Variants in CAMKK2 observed in about 807,000 individuals in gnomAD.
CAMKK2 encodes the protein calcium/calmodulin dependent protein kinase kinase 2.
A neutral mutation model predicts 67.2 loss-of-function variants in CAMKK2; 30 were observed. The observed-to-expected ratio is 0.45, with a 90% CI of 0.33 to 0.61. The LOEUF (loss-of-function observed/expected upper bound fraction) is 0.61. Ranked by LOEUF, CAMKK2 falls within the 20% of genes least tolerant of loss-of-function variation. The pLI is 0.02. For missense variants in CAMKK2, 643 were observed against 802.0 expected (o/e 0.80, Z 2.39); for synonymous variants, 322 against 326.2 (o/e 0.99, Z 0.14).
At chr12:121,288,090 G>A (rs921481890) in intron 1 of CAMKK2, among the ~76,000 whole-genome samples, 2 of 152,204 alleles carry the variant, frequency 1.3e-5, no homozygotes, top group African/African-American at 4.8e-5. Context: ...TGTGTTTAGA[G>A]GAGGGAGGTA....
In CAMKK2 at chr12:121,285,456, T is replaced by C. The variant is rs1217504002; in HGVS notation, c.-59-10871A>G. Among the ~76,000 whole-genome samples the C allele has an allele frequency of 6.6e-6, 1 of 151,968 alleles. No homozygotes were observed. Among genetic ancestry groups the C allele is most frequent in the African/African-American group, 2.4e-5 (1 of 41,342 alleles). ...AGGGGGAGGTTGCAGTGAGCCAAGA[T>C]TGCACCACTGCACTCCAGCCTGGGC... On this transcript the variant is annotated intron_variant, in intron 1 of 16. Coordinates refer to ENST00000404169, the MANE Select transcript of CAMKK2 (RefSeq NM_001270485.2). This position sits in a 1 kb window ranked among gnomAD's most constrained non-coding sequence, Gnocchi z 4.1.
rs1373036527 is a variant in CAMKK2, at chr12:121,296,206, G to A, written c.-60+432C>T. ...TTGCCCCGAGACAGGCAGGCTGCGG[G>A]GTGGGGGTGCTCCAAGTCCGCTGGT... On this transcript the variant is annotated intron_variant, in intron 1 of 16. Transcript: ENST00000404169. This position sits in a 1 kb window ranked among gnomAD's most constrained non-coding sequence, Gnocchi z 7.1. 2.0e-5 allele frequency among the ~76,000 whole-genome samples: 3 copies of A among 152,088 alleles called. No individual in the cohort carries two copies. The highest frequency in any genetic ancestry group is 4.4e-5 in the Non-Finnish European group (3 of 67,994).
chr12:121,249,925 G>A (rs747632334), intron 12 of CAMKK2, 36 bp downstream of exon 12: 37 of 1,612,708 alleles, frequency 2.3e-5, no homozygotes, highest in East Asian at 6.7e-5. Context: ...CCAAGAACTC[G>A]GACAGGAGAG....
At chr12:121,275,114 T>C (rs527916818) in intron 1 of CAMKK2, among the ~76,000 whole-genome samples, 1 of 152,302 alleles carries the variant, frequency 6.6e-6, no homozygotes, top group East Asian at 1.9e-4. Context: ...GGTCTTCCCT[T>C]TGTTTTTCCC....
intron 1 of CAMKK2, among the ~76,000 whole-genome samples, chr12:121,275,486 T>A (rs1896622152): frequency 1.1e-5 from 1 of 90,946 alleles, no homozygotes; most frequent in Non-Finnish European, 1.8e-5. Flanking sequence ...ACCAAGACTG[T>A]CTCAAAAAAA....
At chr12:121,248,511 A>C (rs1593285736) in intron 14 of CAMKK2, 95 bp downstream of exon 14, 2 of 1,471,240 alleles carry the variant, frequency 1.4e-6, no homozygotes, top group Non-Finnish European at 1.9e-6. Context: ...CGGACATCTG[A>C]CTCCCGGGCA....
intron 16 of CAMKK2, among the ~76,000 whole-genome samples, chr12:121,241,258 G>A (rs1002168030): frequency 2.6e-5 from 4 of 152,184 alleles, no homozygotes; most frequent in African/African-American, 9.7e-5. Flanking sequence ...AGCCCTTACA[G>A]GGAAGGGACT....
chr12:121,247,054 A>G (rs1445080372), intron 14 of CAMKK2, among the ~76,000 whole-genome samples: 1 of 151,860 alleles, frequency 6.6e-6, no homozygotes, highest in Non-Finnish European at 1.5e-5. Flanking sequence ...TGGAGTAAAC[A>G]TGTAAAACCT....
intron 6 of CAMKK2, among the ~76,000 whole-genome samples, chr12:121,261,284 C>T (rs887358205): frequency 1.3e-5 from 2 of 152,122 alleles, no homozygotes; most frequent in Non-Finnish European, 2.9e-5. Context: ...CATAGGGCAG[C>T]GGAGAGAAAA....
chr12:121,276,187 G>A (rs949901992), intron 1 of CAMKK2, among the ~76,000 whole-genome samples: 2 of 146,592 alleles, frequency 1.4e-5, no homozygotes, highest in African/African-American at 5.1e-5. Flanking sequence ...GAGAGAAGTC[G>A]GACACAGTGG....
Position 121,274,205 on chromosome 12 carries a change from C to T in CAMKK2, c.322G>A (p.Gly108Arg), listed in dbSNP as rs773659763. The T allele has an allele frequency of 1.2e-6, 2 of 1,602,518 alleles. No homozygotes were observed. Among genetic ancestry groups the T allele is most frequent in the Admixed American group, 1.7e-5 (1 of 59,154 alleles). Residue 108 changes from glycine (G) to arginine (R), a missense_variant, in exon 2 of 17, where the codon GGG (glycine) becomes AGG (arginine). Gly to Arg is a moderately radical substitution (Grantham distance 125). Transcript: ENST00000404169. The part of the protein sequence containing the change: ...KLSLQERSQG[G>R]LAAGGSLDMN... Reference sequence around the variant, plus strand: ...TCCAGGCTGCCACCGGCTGCCAGCCCACCCTGGGACCGCTCTTGCAGAGAC... The same window carrying T: ...TCCAGGCTGCCACCGGCTGCCAGCCTACCCTGGGACCGCTCTTGCAGAGAC...
At chr12:121,271,946 G>A (rs999288194) in intron 2 of CAMKK2, among the ~76,000 whole-genome samples, 2 of 152,144 alleles carry the variant, frequency 1.3e-5, no homozygotes, top group Non-Finnish European at 2.9e-5. Flanking sequence ...CTGACCTCAG[G>A]TTATCCTCCC....
At chr12:121,254,784 T>G (rs779921886) in intron 9 of CAMKK2, among the ~76,000 whole-genome samples, 2 of 152,228 alleles carry the variant, frequency 1.3e-5, no homozygotes, top group Non-Finnish European at 2.9e-5. Flanking sequence ...GGTGGCTCTC[T>G]GCAGCTGGCC....
In CAMKK2 at chr12:121,245,114, A is replaced by C. The variant is rs1414331242; in HGVS notation, c.1553+26T>G. 1 of 1,513,002 alleles carries C rather than the reference A, an allele frequency of 6.6e-7. No homozygotes were observed. The highest frequency in any genetic ancestry group is 9.0e-7 in the Non-Finnish European group (1 of 1,105,238). The allele number at this position is 1,513,002 out of a possible 1,614,324, so 93.7% of individuals were successfully genotyped here. ...CCTAGCCTCCAGCCACCACTCCCCCACCCAAGAAGGCAGGCGGCCACTCAC... is the reference window on the plus strand; with the variant it reads ...CCTAGCCTCCAGCCACCACTCCCCCCCCCAAGAAGGCAGGCGGCCACTCAC... On this transcript the variant is annotated intron_variant, in intron 15 of 16. Coordinates refer to ENST00000404169, the MANE Select transcript of CAMKK2 (RefSeq NM_001270485.2). The surrounding 1 kb of genome is among the most constrained non-coding windows in gnomAD (Gnocchi z 5.8).
rs1478115692 is a variant in CAMKK2 at position 121,255,238 on chromosome 12, A to T, written c.907+312T>A. ...TATAATTTTATATATATATAATTTTATATATATATAATTATATATATAATT... is the reference window on the plus strand; with the variant it reads ...TATAATTTTATATATATATAATTTTTTATATATATAATTATATATATAATT... On this transcript the variant is annotated intron_variant, in intron 9 of 16. Coordinates refer to ENST00000404169, the MANE Select transcript of CAMKK2 (RefSeq NM_001270485.2). Among the ~76,000 whole-genome samples the T allele has an allele frequency of 2.6e-3, 26 of 9,866 alleles. 2 individuals are homozygous for T. The highest frequency in any genetic ancestry group is 3.9e-3 in the African/African-American group (12 of 3,090). The allele number at this position is 9,866 out of a possible 152,430, so 6.5% of individuals were successfully genotyped here.
At chr12:121,263,117 C>T (rs1199481300) in intron 6 of CAMKK2, among the ~76,000 whole-genome samples, 2 of 152,072 alleles carry the variant, frequency 1.3e-5, no homozygotes, top group Non-Finnish European at 2.9e-5. Context: ...TTACAGGCAC[C>T]CGCCACCACG....
intron 1 of CAMKK2, among the ~76,000 whole-genome samples, chr12:121,284,615 G>A (rs537152097): frequency 7.2e-5 from 11 of 152,228 alleles, no homozygotes; most frequent in Non-Finnish European, 1.2e-4. Flanking sequence ...ATGAGTCACC[G>A]CACCCGGCCG....
At chr12:121,271,917 C>T (rs1895853310) in intron 2 of CAMKK2, among the ~76,000 whole-genome samples, 2 of 152,270 alleles carry the variant, frequency 1.3e-5, no homozygotes, top group East Asian at 3.9e-4. Flanking sequence ...TCCATGTTGG[C>T]CAGGCTGGTC....
intron 7 of CAMKK2, among the ~76,000 whole-genome samples, chr12:121,259,373 A>C (rs950594126): frequency 6.6e-6 from 1 of 152,166 alleles, no homozygotes; most frequent in Non-Finnish European, 1.5e-5. Flanking sequence ...GGGTTTTTGA[A>C]TGTTGTCCCT....
Sources: gnomAD v4.1 joint callset for allele counts (sites outside exome capture counted in the v4.1 genomes callset) on GRCh38, gnomAD v4.1.1 for gene constraint, Gnocchi (gnomAD v3.1) non-coding constraint, MANE v1.5 for transcripts, NCBI Gene and HGNC (gene_info 2026-07-23, HGNC 2026-07-21) for gene names.